Variants in SOX5 observed in about 807,000 individuals in gnomAD.
SOX5 encodes transcription factor SOX-5.
A neutral mutation model predicts 92.0 loss-of-function variants in SOX5; 9 were observed. The ratio of observed to expected loss-of-function variants is 0.10; its 90% CI spans 0.06 to 0.17. The LOEUF is 0.17. SOX5 is among the 10% of genes least tolerant of loss of function. The probability of loss-of-function intolerance (pLI) is 1.00; values close to 1 mark genes in which losing one functional copy is unlikely to be tolerated. For synonymous variants in SOX5, 344 were observed against 336.3 expected (o/e 1.02, Z -0.25); for missense variants, 642 against 944.5 (o/e 0.68, Z 4.20).
chr12:24,018,062 T>C (rs1953861906), intron 4 of SOX5, among the ~76,000 whole-genome samples: 1 of 152,178 alleles, frequency 6.6e-6, no homozygotes, highest in South Asian at 2.1e-4. Context: ...TATATACACA[T>C]GCTCAAATCA....
chr12:24,093,786 A>G (rs1289890170), intron 4 of SOX5, among the ~76,000 whole-genome samples: 1 of 151,468 alleles, frequency 6.6e-6, no homozygotes, highest in Admixed American at 6.6e-5. Context: ...GTGCTATTTA[A>G]CTTCTAGATA....
chr12:24,475,571 G>A (rs967169358), intron 1 of SOX5, among the ~76,000 whole-genome samples: 2 of 152,244 alleles, frequency 1.3e-5, no homozygotes, highest in Non-Finnish European at 2.9e-5. Context: ...GACCATCCTC[G>A]GCTTCATCAC....
chr12:24,158,343 A>G (rs1952407859), intron 4 of SOX5, among the ~76,000 whole-genome samples: 1 of 152,008 alleles, frequency 6.6e-6, no homozygotes, highest in East Asian at 1.9e-4. Context: ...TTTCATTCTG[A>G]CCAGGGAAAT....
chr12:24,518,416 C>T (rs996421574), intron 1 of SOX5, among the ~76,000 whole-genome samples: 5 of 152,050 alleles, frequency 3.3e-5, no homozygotes, highest in Admixed American at 6.6e-5. Context: ...ATTTCATCAA[C>T]GCTCAAATTC....
At chr12:24,086,059 G>C (rs1465615942) in intron 4 of SOX5, among the ~76,000 whole-genome samples, 2 of 151,650 alleles carry the variant, frequency 1.3e-5, no homozygotes, top group East Asian at 3.9e-4. Flanking sequence ...CAAATCAGAA[G>C]TTTTCTTTTG....
chr12:24,537,181 C>T (rs1486440161), intron 1 of SOX5, among the ~76,000 whole-genome samples: 1 of 152,172 alleles, frequency 6.6e-6, no homozygotes, highest in East Asian at 1.9e-4. Context: ...AAAGCTTCTT[C>T]AAAGTGAGTA....
intron 7 of SOX5, among the ~76,000 whole-genome samples, chr12:23,646,840 C>T (rs909842712): frequency 2.1e-4 from 32 of 152,198 alleles, no homozygotes; most frequent in African/African-American, 7.7e-4. Flanking sequence ...GCTATTTCCA[C>T]CACATCTGCA....
chr12:24,116,593 A>C (rs1948028050), intron 4 of SOX5, among the ~76,000 whole-genome samples: 1 of 152,164 alleles, frequency 6.6e-6, no homozygotes, highest in African/African-American at 2.4e-5. Context: ...CTTTCAATTT[A>C]CAGATTAATG....
At chr12:23,616,367 C>T (rs548986983) in intron 8 of SOX5, among the ~76,000 whole-genome samples, 5 of 152,142 alleles carry the variant, frequency 3.3e-5, no homozygotes, top group Non-Finnish European at 7.4e-5. Context: ...CTGCTGCTTC[C>T]CCAGTTCTAT....
At chr12:23,812,895 C>T (rs1203731709) in intron 3 of SOX5, among the ~76,000 whole-genome samples, 2 of 152,072 alleles carry the variant, frequency 1.3e-5, no homozygotes, top group Non-Finnish European at 2.9e-5. Context: ...AAAGACAAGT[C>T]CGACAGTAAC....
chr12:23,812,848 G>C (rs2095902253), intron 3 of SOX5, among the ~76,000 whole-genome samples: 1 of 152,104 alleles, frequency 6.6e-6, no homozygotes, highest in South Asian at 2.1e-4. Context: ...TTATTTGAAA[G>C]TATCTATATG....
At chr12:23,842,799 T>C (rs766238903) in intron 3 of SOX5, among the ~76,000 whole-genome samples, 1 of 152,074 alleles carries the variant, frequency 6.6e-6, no homozygotes, top group Non-Finnish European at 1.5e-5. Flanking sequence ...AAGAGATAAA[T>C]CTCCCATGTA....
At chr12:24,227,642 C>T (rs1412864717) in intron 3 of SOX5, 1 of 152,122 alleles carries the variant, frequency 6.6e-6, no homozygotes, top group Non-Finnish European at 1.5e-5. Flanking sequence ...GTGTGAATGG[C>T]CTCCTAAGCA....
At chr12:23,840,412 C>A (rs978781158) in intron 3 of SOX5, among the ~76,000 whole-genome samples, 27 of 152,042 alleles carry the variant, frequency 1.8e-4, no homozygotes, top group Non-Finnish European at 3.4e-4. Context: ...TTCTTCCCAA[C>A]ATGATCTAGA....
At chr12:23,871,316 ATAACTT>A (rs1419994874) in intron 2 of SOX5, among the ~76,000 whole-genome samples, 2 of 152,224 alleles carry the variant, frequency 1.3e-5, no homozygotes, top group African/African-American at 2.4e-5. Flanking sequence ...AAAATGAAAA[ATAACTT>A]TATCTTTGTT....
intron 6 of SOX5, among the ~76,000 whole-genome samples, chr12:23,667,333 T>A (rs1395749338): frequency 3.9e-5 from 6 of 152,214 alleles, no homozygotes; most frequent in Admixed American, 3.9e-4. Flanking sequence ...TTCTTTCAGA[T>A]AAAAGTTTTA....
chr12:24,095,142 G>A (rs373071967), intron 4 of SOX5, among the ~76,000 whole-genome samples: 4,580 of 148,390 alleles, frequency 0.031, 282 homozygotes, highest in African/African-American at 0.11. Flanking sequence ...GAGAGAGAGA[G>A]AGAGAGAGAG....
intron 2 of SOX5, among the ~76,000 whole-genome samples, chr12:23,894,173 G>A (rs181222492): frequency 1.3e-5 from 2 of 152,110 alleles, no homozygotes; most frequent in African/African-American, 2.4e-5. Flanking sequence ...ATCAAGAAGT[G>A]CTATCAACAC....
At chr12:24,453,967 T>C (rs1419342390) in intron 1 of SOX5, among the ~76,000 whole-genome samples, 1 of 152,124 alleles carries the variant, frequency 6.6e-6, no homozygotes, top group Non-Finnish European at 1.5e-5. Context: ...GCAAAGAGAG[T>C]TGCCACATTA....
Sources: gnomAD v4.1 joint callset for allele counts (sites outside exome capture counted in the v4.1 genomes callset) on GRCh38, gnomAD v4.1.1 for gene constraint, MANE v1.5 for transcripts, NCBI Gene and HGNC (gene_info 2026-07-23, HGNC 2026-07-21) for gene names.